Variants in CPPED1 observed in about 807,000 individuals in gnomAD.
The protein encoded by CPPED1 is serine/threonine-protein phosphatase CPPED1.
Under a neutral mutation model 28.0 loss-of-function variants are expected in CPPED1, and 28 were observed. The observed-to-expected ratio is 1.00, with a 90% confidence interval of 0.74 to 1.37. The LOEUF (loss-of-function observed/expected upper bound fraction) is 1.37, where lower values mean the gene tolerates loss of function less well. Among genes scored for constraint, CPPED1 ranks in the 40% most tolerant of loss-of-function variants. The pLI is 0.00. For synonymous variants in CPPED1, 198 were observed against 180.2 expected (o/e 1.10, Z -0.79); for missense variants, 504 against 416.5 (o/e 1.21, Z -1.83).
chr16:12,799,320 A>G (rs1424195563), intron 1 of CPPED1, among the ~76,000 whole-genome samples: 1 of 145,388 alleles, frequency 6.9e-6, no homozygotes, highest in Admixed American at 7.3e-5. Flanking sequence ...ATCTTGGCTT[A>G]CTGCAACCTC....
chr16:12,687,777 T>G (rs1193144352), intron 3 of CPPED1, among the ~76,000 whole-genome samples: 1 of 152,128 alleles, frequency 6.6e-6, no homozygotes, highest in East Asian at 1.9e-4. Context: ...ATTAATCACA[T>G]AAAAAAGCTT....
intron 3 of CPPED1, 102 bp from the exon 4 acceptor site, chr16:12,665,217 T>C (rs1596435406): frequency 2.1e-6 from 2 of 941,124 alleles, no homozygotes; most frequent in Non-Finnish European, 1.5e-6. Context: ...TTAAATATAT[T>C]ATTATACCAT....
chr16:12,732,216 A>G (rs1423898164), intron 2 of CPPED1, among the ~76,000 whole-genome samples: 1 of 140,900 alleles, frequency 7.1e-6, no homozygotes, highest in Non-Finnish European at 1.5e-5. Context: ...ACAGGATGCT[A>G]TTTTGAAAAG....
At chr16:12,720,655 T>C (rs1000706545) in intron 2 of CPPED1, among the ~76,000 whole-genome samples, 5 of 152,146 alleles carry the variant, frequency 3.3e-5, no homozygotes, top group Admixed American at 1.3e-4. Flanking sequence ...ACTTGGCTAA[T>C]TTTTGTATTT....
intron 3 of CPPED1, among the ~76,000 whole-genome samples, chr16:12,698,429 G>T (rs988049956): frequency 6.6e-6 from 1 of 151,664 alleles, no homozygotes; most frequent in Non-Finnish European, 1.5e-5. Context: ...TTAAAACTTT[G>T]AATTTTTTTT....
chr16:12,760,905 G>A (rs1329623149), intron 2 of CPPED1: 1 of 152,250 alleles, frequency 6.6e-6, no homozygotes, highest in Admixed American at 6.5e-5. Context: ...TTGCAGACAT[G>A]TGGCTTTGCC....
intron 2 of CPPED1, among the ~76,000 whole-genome samples, chr16:12,737,323 AAGG>A (rs1221232347): frequency 1.3e-5 from 2 of 152,198 alleles, no homozygotes; most frequent in Non-Finnish European, 2.9e-5. Context: ...TCATGGGAAG[AAGG>A]AGAAGAAGGG....
intron 2 of CPPED1, among the ~76,000 whole-genome samples, chr16:12,714,037 TA>T (rs1224171975): frequency 1.3e-5 from 2 of 152,210 alleles, no homozygotes; most frequent in African/African-American, 4.8e-5. Context: ...ATATAAAATG[TA>T]GGCTTTTGTT....
intron 2 of CPPED1, among the ~76,000 whole-genome samples, chr16:12,716,137 G>A (rs2080105921): frequency 6.6e-6 from 1 of 152,188 alleles, no homozygotes; most frequent in African/African-American, 2.4e-5. Flanking sequence ...AACCATGAAA[G>A]AGAAAAATAT....
chr16:12,787,112 C>T (rs917998885), intron 1 of CPPED1, among the ~76,000 whole-genome samples: 2 of 152,038 alleles, frequency 1.3e-5, no homozygotes, highest in Non-Finnish European at 2.9e-5. Context: ...CCCAAATTGA[C>T]TTAAAAAAAT....
At chr16:12,799,701 T>A (rs1385956106) in intron 1 of CPPED1, among the ~76,000 whole-genome samples, 1 of 152,108 alleles carries the variant, frequency 6.6e-6, no homozygotes, top group Non-Finnish European at 1.5e-5. Context: ...TGTCAATGAG[T>A]GCAATGGAAG....
chr16:12,779,641 C>T (rs1043424688), intron 2 of CPPED1, among the ~76,000 whole-genome samples: 6 of 152,054 alleles, frequency 3.9e-5, no homozygotes, highest in African/African-American at 9.7e-5. Context: ...CCACCTGTCC[C>T]GGCCTCCCAA....
chr16:12,699,287 A>G (rs1393815103), intron 3 of CPPED1, among the ~76,000 whole-genome samples: 5 of 152,164 alleles, frequency 3.3e-5, no homozygotes, highest in Non-Finnish European at 5.9e-5. Context: ...TCCTGACCTG[A>G]TAACTGTTTA....
chr16:12,748,661 G>A (rs772639933), intron 2 of CPPED1, among the ~76,000 whole-genome samples: 1 of 152,066 alleles, frequency 6.6e-6, no homozygotes, highest in African/African-American at 2.4e-5. Context: ...TGAGGTGGGC[G>A]GATCATGAGG....
chr16:12,802,278 T>C (rs187456954), intron 1 of CPPED1, among the ~76,000 whole-genome samples: 2 of 152,280 alleles, frequency 1.3e-5, no homozygotes, highest in East Asian at 3.9e-4. Flanking sequence ...AATCTTCATG[T>C]TGGACAAAAA....
At chr16:12,708,172 T>C (rs1357892001) in intron 2 of CPPED1, among the ~76,000 whole-genome samples, 2 of 148,252 alleles carry the variant, frequency 1.3e-5, no homozygotes, top group Non-Finnish European at 2.9e-5. Context: ...TTATTTATTG[T>C]TGGAAAAAAA....
At chr16:12,677,713 T>C (rs2079884954) in intron 3 of CPPED1, among the ~76,000 whole-genome samples, 1 of 152,110 alleles carries the variant, frequency 6.6e-6, no homozygotes, top group South Asian at 2.1e-4. Context: ...AAGCATCCCA[T>C]CACTTCCGGC....
chr16:12,786,602 A>G (rs911837333), intron 1 of CPPED1, among the ~76,000 whole-genome samples: 4 of 152,142 alleles, frequency 2.6e-5, no homozygotes, highest in Non-Finnish European at 5.9e-5. Context: ...TGCCTTGCAA[A>G]ACTAAGTGTC....
intron 2 of CPPED1, among the ~76,000 whole-genome samples, chr16:12,777,500 A>C (rs2080504486): frequency 6.6e-6 from 1 of 152,236 alleles, no homozygotes; most frequent in African/African-American, 2.4e-5. Context: ...ACAAATGTTC[A>C]CTTGCTACTT....
Sources: allele counts gnomAD v4.1 joint callset (sites outside exome capture counted in the v4.1 genomes callset), GRCh38; gene constraint gnomAD v4.1.1; transcripts MANE v1.5; gene names NCBI Gene and HGNC (gene_info 2026-07-23, HGNC 2026-07-21).